The following YEATS2 variants were observed in gnomAD, a reference collection of about 807,000 sequenced individuals.
YEATS2 encodes the protein YEATS domain containing 2.
A neutral mutation model predicts 163.2 loss-of-function variants in YEATS2; 77 were observed. The observed-to-expected ratio is 0.47, with a 90% CI of 0.39 to 0.57. YEATS2 has a LOEUF of 0.57. YEATS2 is among the 20% of genes least tolerant of loss of function. The pLI, the probability that YEATS2 is intolerant of heterozygous loss-of-function variation, is 0.00. For missense variants in YEATS2, 1,549 were observed against 1,729.8 expected, an observed-to-expected ratio of 0.90 and a Z score of 1.85; for synonymous variants, 631 against 645.1, an observed-to-expected ratio of 0.98 and a Z score of 0.33.
At position 183,800,610 on chromosome 3, in the gene YEATS2, G is replaced by A. The variant is rs149335721; in HGVS notation, c.3428+42G>A. 1.3e-3 allele frequency: 2,043 copies of A among 1,538,460 alleles called. 13 individuals carry two copies. In the African/African-American group the frequency reaches 0.017, roughly 13 times the overall value. The stretch of plus-strand genomic sequence containing the variant: ...TTCCTAAAGGAATTCCGCTTCGGGT[G>A]TTTGTCACGCCTGTGACAGCTGAGT... On this transcript the variant is annotated intron_variant, in intron 24 of 30. Transcript: ENST00000305135.
At position 183,786,533 on chromosome 3, in the gene YEATS2, G is replaced by A. The variant is rs374134041; in HGVS notation, c.2913+232G>A. Among the ~76,000 whole-genome samples the A allele has an allele frequency of 2.5e-3, 381 of 152,200 alleles. 1 individual carries two copies. The highest frequency in any genetic ancestry group is 6.5e-3 in the African/African-American group (268 of 41,524). ...GTGATTACCATCATCTAATCCCAGAGCATTTTATCATCCCAGAAAGAAGCC... is the reference window on the plus strand; with the variant it reads ...GTGATTACCATCATCTAATCCCAGAACATTTTATCATCCCAGAAAGAAGCC... On this transcript the variant is annotated intron_variant, in intron 20 of 30. Coordinates refer to ENST00000305135, the MANE Select transcript of YEATS2 (RefSeq NM_018023.5).
chr3:183,752,028 C>T lies in YEATS2; in HGVS notation c.970-45C>T, dbSNP rs183519084. ...TGGACGGGACTTGAGCTTTCTGTGACATTGATGATGGACTCATGAGCCTGA... is the reference window on the plus strand; with the variant it reads ...TGGACGGGACTTGAGCTTTCTGTGATATTGATGATGGACTCATGAGCCTGA... On this transcript the variant is annotated intron_variant, in intron 9 of 30. Transcript: ENST00000305135. 5,974 of 1,602,960 alleles carry T rather than the reference C, an allele frequency of 3.7e-3. 15 individuals are homozygous for T. Among genetic ancestry groups the T allele is most frequent in the Non-Finnish European group, 4.2e-3 (4,871 of 1,171,668 alleles).
At chr3:183,766,268 T>C (rs558649222) in intron 15 of YEATS2, among the ~76,000 whole-genome samples, 1 of 152,228 alleles carries the variant, frequency 6.6e-6, no homozygotes, top group Non-Finnish European at 1.5e-5. Context: ...TTAGAGATTG[T>C]ATATGAAGGA....
intron 1 of YEATS2, among the ~76,000 whole-genome samples, chr3:183,711,552 G>T (rs1715224625): frequency 6.6e-6 from 1 of 151,392 alleles, no homozygotes; most frequent in Non-Finnish European, 1.5e-5. Context: ...TTTATATTCT[G>T]AATTGTAGCA....
At chr3:183,740,407 T>C (rs536721143) in intron 8 of YEATS2, among the ~76,000 whole-genome samples, 134 of 152,298 alleles carry the variant, frequency 8.8e-4, no homozygotes, top group African/African-American at 2.7e-3. Flanking sequence ...CTATGAGATA[T>C]CATCTCACAC....
At chr3:183,732,691 C>A (rs1292079037) in intron 7 of YEATS2, among the ~76,000 whole-genome samples, 1 of 151,756 alleles carries the variant, frequency 6.6e-6, no homozygotes, top group Non-Finnish European at 1.5e-5. Flanking sequence ...TCCTGAGTAA[C>A]TGGGACTACA....
At chr3:183,794,544 A>G (rs1387893538) in intron 21 of YEATS2, among the ~76,000 whole-genome samples, 1 of 152,228 alleles carries the variant, frequency 6.6e-6, no homozygotes, top group Non-Finnish European at 1.5e-5. Flanking sequence ...CTCTCCAAAG[A>G]CATTCCTAAA....
chr3:183,711,895 C>G (rs1715261590), intron 1 of YEATS2, among the ~76,000 whole-genome samples: 1 of 151,770 alleles, frequency 6.6e-6, no homozygotes, highest in African/African-American at 2.4e-5. Flanking sequence ...TCTCGGCTCA[C>G]TGCAGCCTCC....
chr3:183,701,693 G>GC (rs1422233072), intron 1 of YEATS2, among the ~76,000 whole-genome samples: 1 of 152,144 alleles, frequency 6.6e-6, no homozygotes, highest in African/African-American at 2.4e-5. Flanking sequence ...ACTGTGCCTG[G>GC]CCTAAAACAG....
At chr3:183,795,483 TAGAGACGGGGTC>T (rs1725059869) in intron 21 of YEATS2, among the ~76,000 whole-genome samples, 1 of 123,948 alleles carries the variant, frequency 8.1e-6, no homozygotes, top group East Asian at 2.5e-4. Context: ...TTTTTTTTTT[TAGAGACGGGGTC>T]TTGCTTTGTT....
Position 183,801,979 on chromosome 3 carries a change from C to G in YEATS2, c.3502+451C>G, listed in dbSNP as rs79593157. The G allele has an allele frequency of 0.011, 1,680 of 157,322 alleles. 67 individuals carry two copies. In the East Asian group the frequency reaches 0.14, roughly 13 times the overall value. The allele number at this position is 157,322 out of a possible 1,614,324, so 9.7% of individuals were successfully genotyped here. On this transcript the variant is annotated intron_variant, in intron 25 of 30. Coordinates refer to ENST00000305135, the MANE Select transcript of YEATS2 (RefSeq NM_018023.5). ...GATAAGCAGGGTTGAATAACTTGCT[C>G]GAGATCACAGAGCCACGGGTGGTGA...
rs1264125028 is a variant in YEATS2 at position 183,798,046 on chromosome 3, A to G, written c.3221A>G (p.Asn1074Ser). 6.2e-7 allele frequency: 1 copy of G among 1,613,604 alleles called. No homozygotes were observed. Among genetic ancestry groups the G allele is most frequent in the Admixed American group, 1.7e-5 (1 of 59,996 alleles). ...GGVQTILMPV[N>S]KVVQSFSTSK... is the part of the protein sequence containing the mutation. Reference sequence around the variant, plus strand: ...GTGCAGACGATCCTGATGCCTGTGAATAAAGGTGAGTCCCTTGCCCACGGG... The same window carrying G: ...GTGCAGACGATCCTGATGCCTGTGAGTAAAGGTGAGTCCCTTGCCCACGGG... Residue 1074 changes from asparagine (N) to serine (S), a missense_variant, in exon 22 of 31, where the codon AAT (asparagine) becomes AGT (serine). Transcript: ENST00000305135.
At chr3:183,785,384 G>A (rs1443308399) in intron 19 of YEATS2, among the ~76,000 whole-genome samples, 2 of 151,374 alleles carry the variant, frequency 1.3e-5, no homozygotes, top group African/African-American at 4.9e-5. Flanking sequence ...AGCTACTCGG[G>A]AGGCTGAGGC....
intron 21 of YEATS2, 33 bp from the exon 22 acceptor site, chr3:183,797,890 T>A (rs751217922): frequency 9.9e-6 from 16 of 1,612,632 alleles, no homozygotes; most frequent in Non-Finnish European, 5.1e-6. Context: ...GCACCTGACC[T>A]TCAACTTGGC....
intron 8 of YEATS2, among the ~76,000 whole-genome samples, chr3:183,740,295 A>G (rs1170557195): frequency 1.3e-5 from 2 of 152,166 alleles, no homozygotes; most frequent in Non-Finnish European, 2.9e-5. Context: ...TGGGCGAAGG[A>G]CATGAACAGA....
chr3:183,750,635 G>C (rs1720064237), intron 9 of YEATS2, among the ~76,000 whole-genome samples: 1 of 152,136 alleles, frequency 6.6e-6, no homozygotes. Flanking sequence ...TGTTGTTTGT[G>C]ATGTGATATC....
chr3:183,714,321 G>T (rs1441478877), intron 1 of YEATS2, among the ~76,000 whole-genome samples: 1 of 150,616 alleles, frequency 6.6e-6, no homozygotes, highest in Non-Finnish European at 1.5e-5. Context: ...TCAATCTCCC[G>T]AGTAGCTGGG....
chr3:183,778,123 A>AG (rs1398399096), intron 19 of YEATS2, among the ~76,000 whole-genome samples: 9 of 148,622 alleles, frequency 6.1e-5, no homozygotes, highest in Non-Finnish European at 1.0e-4. Flanking sequence ...AAAAAAAAAA[A>AG]AAAAAGAAAA....
chr3:183,757,712 G>GT (rs1370088181), intron 12 of YEATS2, among the ~76,000 whole-genome samples: 11 of 151,356 alleles, frequency 7.3e-5, no homozygotes, highest in Admixed American at 6.6e-4. Flanking sequence ...TTTTTTTGTT[G>GT]TTGTTTGTTT....
Sources: gnomAD v4.1 joint callset for allele counts (sites outside exome capture counted in the v4.1 genomes callset) on GRCh38, gnomAD v4.1.1 for gene constraint, MANE v1.5 for transcripts, NCBI Gene and HGNC (gene_info 2026-07-23, HGNC 2026-07-21) for gene names.